GTPBP1: variants seen among roughly 807,000 people sequenced by gnomAD.
GTPBP1 encodes the protein GTP binding protein 1, also known as GTP-binding protein 1.
GTPBP1 carries 23 observed loss-of-function variants against 62.0 expected under a neutral mutation model. That is an observed-to-expected ratio of 0.37 (90% CI 0.27 to 0.53). The LOEUF is 0.53. Ranked by LOEUF, GTPBP1 falls within the 20% of genes least tolerant of loss-of-function variation. GTPBP1 has a pLI of 0.89. For missense variants in GTPBP1, 640 were observed against 917.3 expected, an observed-to-expected ratio of 0.70 and a Z score of 3.90; for synonymous variants, 344 against 364.4, an observed-to-expected ratio of 0.94 and a Z score of 0.64.
downstream of GTPBP1, chr22:38,739,172 G>A (rs555970591): frequency 2.7e-5 from 24 of 900,038 alleles, no homozygotes; most frequent in East Asian, 2.9e-4. This position sits in a 1 kb window ranked among gnomAD's most constrained non-coding sequence, Gnocchi z 6.7. Context: ...TACTCGGTAC[G>A]TCCTGACTTC....
At chr22:38,741,344 C>G (rs993061389), downstream of GTPBP1, 89 of 813,994 alleles carry the variant, frequency 1.1e-4, no homozygotes, top group Middle Eastern at 6.9e-4. Flanking sequence ...ACTAAGGGGT[C>G]GGGGGTCAAA....
downstream of GTPBP1, chr22:38,738,468 T>C: frequency 7.9e-6 from 11 of 1,390,330 alleles, no homozygotes; most frequent in Non-Finnish European, 4.9e-6. This position sits in a 1 kb window ranked among gnomAD's most constrained non-coding sequence, Gnocchi z 6.6. Flanking sequence ...TAGCTCCTCC[T>C]CTTCCAAATC....
In GTPBP1 at chr22:38,712,038, G is replaced by A. The variant is rs942169180; in HGVS notation, c.304+3082G>A. On this transcript the variant is annotated intron_variant, in intron 2 of 11. Coordinates refer to ENST00000216044, the MANE Select transcript of GTPBP1 (RefSeq NM_004286.5). The stretch of plus-strand genomic sequence containing the variant: ...TGGGACTACAGGTACCTGCCACCAC[G>A]CCTGGCTAATTTTTGTATTTTTATT... Among the ~76,000 whole-genome samples the A allele has an allele frequency of 1.1e-4, 16 of 152,042 alleles. 1 individual carries two copies. In the South Asian group the frequency reaches 3.3e-3, roughly 32 times the overall value.
At chr22:38,714,478 CAAA>C (rs34257833) in intron 2 of GTPBP1, among the ~76,000 whole-genome samples, 45 of 46,334 alleles carry the variant, frequency 9.7e-4, no homozygotes, top group Admixed American at 7.2e-3. Context: ...GACTCCATCT[CAAA>C]AAAAAAAAAA....
chr22:38,739,138 C>A (rs1301507093), downstream of GTPBP1: 23 of 934,864 alleles, frequency 2.5e-5, no homozygotes, highest in Non-Finnish European at 3.5e-5. This position sits in a 1 kb window ranked among gnomAD's most constrained non-coding sequence, Gnocchi z 6.7. Flanking sequence ...CTTTAAAGGT[C>A]AGCCTCTCCC....
chr22:38,730,721 C>G lies in GTPBP1; in HGVS notation c.*17C>G, dbSNP rs1439313641. 2.1e-6 allele frequency: 3 copies of G among 1,409,500 alleles called. No individual in the cohort carries two copies. In the African/African-American group the frequency reaches 4.2e-5, roughly 20 times the overall value. 87.3% of individuals were successfully genotyped at this position (1,409,500 alleles called of 1,614,324 possible). A position where few individuals can be genotyped will look rare whatever the true frequency, so the allele number is the denominator to read the frequency against. On this transcript the variant is annotated 3_prime_UTR_variant, in exon 12 of 12. Transcript: ENST00000216044. The surrounding 1 kb of genome is among the most constrained non-coding windows in gnomAD (Gnocchi z 5.6). ...GGCTGCTGAACCTTCCCCTGGCCCA[C>G]CCTCACCACCCAAGGGGTCATCATC...
At chr22:38,722,435 G>A (rs2092705179) in intron 5 of GTPBP1, among the ~76,000 whole-genome samples, 1 of 152,148 alleles carries the variant, frequency 6.6e-6, no homozygotes, top group African/African-American at 2.4e-5. Context: ...CTTTGTTGTA[G>A]GCAAGCTTCA....
chr22:38,719,222 G>T (rs2092686681), intron 4 of GTPBP1, among the ~76,000 whole-genome samples: 1 of 152,152 alleles, frequency 6.6e-6, no homozygotes, highest in Admixed American at 6.5e-5. Flanking sequence ...GGCTAGGCTG[G>T]TCTGGAACTC....
chr22:38,738,105 C>T (rs113248252), downstream of GTPBP1: 151 of 1,406,982 alleles, frequency 1.1e-4, no homozygotes, highest in African/African-American at 1.9e-3. The surrounding 1 kb of genome is among the most constrained non-coding windows in gnomAD (Gnocchi z 6.6). Flanking sequence ...AGGGTAAGTG[C>T]CCAGGGAGCA....
Position 38,716,536 on chromosome 22 carries a change from C to T in GTPBP1, c.486-116C>T, listed in dbSNP as rs530370782. ...TCCGGCTCAAGGAGGAGCTGTGAGCCGGAGGGGATCGGGGCAAGCCTGGAC... is the reference window on the plus strand; with the variant it reads ...TCCGGCTCAAGGAGGAGCTGTGAGCTGGAGGGGATCGGGGCAAGCCTGGAC... On this transcript the variant is annotated intron_variant, in intron 3 of 11. Transcript: ENST00000216044. The surrounding 1 kb of genome is among the most constrained non-coding windows in gnomAD (Gnocchi z 5.2). The T allele has an allele frequency of 6.0e-4, 441 of 730,732 alleles. 4 individuals carry two copies. Among genetic ancestry groups the T allele is most frequent in the South Asian group, 5.1e-3 (296 of 57,658 alleles). The allele number at this position is 730,732 out of a possible 1,614,324, so 45.3% of individuals were successfully genotyped here.
downstream of GTPBP1, chr22:38,736,297 G>A (rs939772294): frequency 6.2e-7 from 1 of 1,613,912 alleles, no homozygotes; most frequent in Non-Finnish European, 8.5e-7. Context: ...GCACTCTGAA[G>A]CGGTAGATGC....
downstream of GTPBP1, chr22:38,742,660 C>T (rs1302761575): frequency 2.1e-6 from 3 of 1,429,042 alleles, no homozygotes; most frequent in East Asian, 4.7e-5. Flanking sequence ...GAAAAGATTC[C>T]AGAGACGTTC....
chr22:38,722,968 C>T, intron 5 of GTPBP1: 1 of 884,110 alleles, frequency 1.1e-6, no homozygotes, highest in South Asian at 1.3e-5. Flanking sequence ...CCTCTTAGTG[C>T]AAGACCAGAA....
In GTPBP1 at chr22:38,730,576, G is replaced by A. The variant is rs1163189600; in HGVS notation, c.1918-36G>A. On this transcript the variant is annotated intron_variant, in intron 11 of 11. Coordinates refer to ENST00000216044, the MANE Select transcript of GTPBP1 (RefSeq NM_004286.5). The surrounding 1 kb of genome is among the most constrained non-coding windows in gnomAD (Gnocchi z 5.6). ...CTGCTCTCTGGCCCTGCTCCTGATG[G>A]GCCAGTGCTTCTCAAGCTCCTTCTC... 2.2e-6 allele frequency: 3 copies of A among 1,373,630 alleles called. No homozygotes were observed. Among genetic ancestry groups the A allele is most frequent in the Non-Finnish European group, 3.1e-6 (3 of 969,862 alleles). The allele number at this position is 1,373,630 out of a possible 1,614,324, so 85.1% of individuals were successfully genotyped here. A position where few individuals can be genotyped will look rare whatever the true frequency, so the allele number is the denominator to read the frequency against.
intron 2 of GTPBP1, among the ~76,000 whole-genome samples, chr22:38,715,237 C>T (rs1167859003): frequency 2.6e-5 from 4 of 152,184 alleles, no homozygotes; most frequent in Non-Finnish European, 2.9e-5. Flanking sequence ...CCTCAGCCTA[C>T]GGGTGTCTCA....
At position 38,730,816 on chromosome 22, in the gene GTPBP1, G is replaced by C; in HGVS notation, c.*112G>C. On this transcript the variant is annotated 3_prime_UTR_variant, in exon 12 of 12. Coordinates refer to ENST00000216044, the MANE Select transcript of GTPBP1 (RefSeq NM_004286.5). The surrounding 1 kb of genome is among the most constrained non-coding windows in gnomAD (Gnocchi z 5.6). ...ACCCAGCCCTCCCGCTCAGGCCACA[G>C]CCGGAGCCTCCGCATTGCCCCCACC... is the stretch of plus-strand genomic sequence containing the variant. 1 of 614,500 alleles carries C rather than the reference G, an allele frequency of 1.6e-6. No individual in the cohort carries two copies. Among genetic ancestry groups the C allele is most frequent in the East Asian group, 3.1e-5 (1 of 32,372 alleles). The allele number at this position is 614,500 out of a possible 1,614,324, so 38.1% of individuals were successfully genotyped here. A position where few individuals can be genotyped will look rare whatever the true frequency, so the allele number is the denominator to read the frequency against.
chr22:38,718,005 G>C (rs1017421434), intron 4 of GTPBP1, among the ~76,000 whole-genome samples: 3 of 152,228 alleles, frequency 2.0e-5, no homozygotes, highest in Non-Finnish European at 4.4e-5. Context: ...TGATCAAGTT[G>C]CTGCACAAAC....
downstream of GTPBP1, chr22:38,741,466 A>G (rs778770362): frequency 5.0e-6 from 8 of 1,606,242 alleles, no homozygotes; most frequent in East Asian, 8.9e-5. Context: ...ACCCAGTCAC[A>G]GGCCCTGAGT....
At chr22:38,723,817 A>G (rs1359770928) in intron 5 of GTPBP1, among the ~76,000 whole-genome samples, 2 of 152,252 alleles carry the variant, frequency 1.3e-5, no homozygotes, top group Non-Finnish European at 1.5e-5. Context: ...GGGTTGCAGG[A>G]CTAAGCCTTC....
Sources: allele counts gnomAD v4.1 joint callset (sites outside exome capture counted in the v4.1 genomes callset), GRCh38; gene constraint gnomAD v4.1.1; non-coding constraint Gnocchi (gnomAD v3.1); transcripts MANE v1.5; gene names NCBI Gene and HGNC (gene_info 2026-07-23, HGNC 2026-07-21).